Variants in REM2 observed in about 807,000 individuals in gnomAD.
REM2 encodes the protein GTP-binding protein REM 2.
REM2 carries 24 observed loss-of-function variants against 24.4 expected under a neutral mutation model. The ratio of observed to expected loss-of-function variants is 0.98; its 90% confidence interval spans 0.71 to 1.38. The LOEUF is 1.38. Among genes scored for constraint, REM2 ranks in the 40% most tolerant of loss-of-function variants. The pLI, the probability that REM2 is intolerant of heterozygous loss-of-function variation, is 0.00. For synonymous variants in REM2, 187 were observed against 198.0 expected (o/e 0.94, Z 0.47); for missense variants, 429 against 467.8 (o/e 0.92, Z 0.77).
Position 22,886,901 on chromosome 14 carries a change from G to A in REM2, c.1015G>A (p.Val339Met). The stretch of plus-strand genomic sequence containing the variant: ...CTCCAGGTCGTGTCACGACCTCTCG[G>A]TGCTCTGAGCCGCGGTCGCCATGGC... ...QRSRSCHDLS[V>M]L The change falls in exon 5 of 5, where the codon GTG becomes ATG. Residue 339 changes from valine (V) to methionine (M), a missense_variant. Physicochemically the swap from Val to Met is conservative, Grantham distance 21. Transcript: ENST00000267396. This position sits in a 1 kb window ranked among gnomAD's most constrained non-coding sequence, Gnocchi z 5.9. 6.7e-7 allele frequency: 1 copy of A among 1,496,558 alleles called. No individual in the cohort carries two copies. The highest frequency in any genetic ancestry group is 8.9e-7 in the Non-Finnish European group (1 of 1,121,186). The allele number at this position is 1,496,558 out of a possible 1,614,324, so 92.7% of individuals were successfully genotyped here.
Position 22,886,061 on chromosome 14 carries a change from A to T in REM2, c.557A>T (p.Gln186Leu), listed in dbSNP as rs1478606274. The change falls in exon 4 of 5, where the codon CAG (glutamine) becomes CTG (leucine). Residue 186 changes from glutamine to leucine, a missense_variant. Coordinates refer to ENST00000267396, the MANE Select transcript of REM2 (RefSeq NM_173527.3). This position sits in a 1 kb window ranked among gnomAD's most constrained non-coding sequence, Gnocchi z 5.9. ...AGGWLRDHCLQTGDAFLIVFS... is the reference protein window; with the variant it reads ...AGGWLRDHCLLTGDAFLIVFS... Reference sequence around the variant, plus strand: ...GGGTGGCTGCGGGACCACTGCCTTCAGACCGGGGACGCCTTTCTCATCGTC... The same window carrying T: ...GGGTGGCTGCGGGACCACTGCCTTCTGACCGGGGACGCCTTTCTCATCGTC... 3.7e-6 allele frequency: 6 copies of T among 1,613,848 alleles called. No individual in the cohort carries two copies. In the African/African-American group the frequency reaches 6.7e-5, roughly 18 times the overall value.
intron 3 of REM2, 34 bp downstream of exon 3, chr14:22,885,373 GA>G: frequency 6.5e-7 from 1 of 1,549,194 alleles, no homozygotes; most frequent in Non-Finnish European, 8.9e-7. Flanking sequence ...GGCAGGTGAT[GA>G]AGCTGGGAGA....
chr14:22,886,065 C>A lies in REM2; in HGVS notation c.561C>A (p.Thr187=). Residue 187 remains threonine, a synonymous_variant, in exon 4 of 5, where the codon ACC becomes ACA. Coordinates refer to ENST00000267396, the MANE Select transcript of REM2 (RefSeq NM_173527.3). The surrounding 1 kb of genome is among the most constrained non-coding windows in gnomAD (Gnocchi z 5.9). ...GGWLRDHCLQ[T]GDAFLIVFSV... ...GGCTGCGGGACCACTGCCTTCAGAC[C>A]GGGGACGCCTTTCTCATCGTCTTCT... 6.2e-7 allele frequency: 1 copy of A among 1,613,932 alleles called. No homozygotes were observed. The highest frequency in any genetic ancestry group is 8.5e-7 in the Non-Finnish European group (1 of 1,179,856).
In REM2 at chr14:22,886,678, C is replaced by A; in HGVS notation, c.792C>A (p.His264Gln). The A allele has an allele frequency of 1.3e-6, 2 of 1,490,608 alleles. No individual in the cohort carries two copies. The highest frequency in any genetic ancestry group is 1.3e-5 in the South Asian group (1 of 75,272). 92.3% of individuals were successfully genotyped at this position (1,490,608 alleles called of 1,614,324 possible). ...TCGAGACGTCGGCCGCACTGCACCA[C>A]AACACGAGGGAGCTCTTCGAGGGCG... ...KHIETSAALHHNTRELFEGAV... is the reference protein window; with the variant it reads ...KHIETSAALHQNTRELFEGAV... The change falls in exon 5 of 5, where the codon CAC becomes CAA. Residue 264 changes from histidine (H) to glutamine (Q), a missense_variant. His to Gln is a conservative substitution (Grantham distance 24). Transcript: ENST00000267396. The surrounding 1 kb of genome is among the most constrained non-coding windows in gnomAD (Gnocchi z 5.9).
intron 1 of REM2, chr14:22,884,393 TG>T: frequency 1.0e-6 from 1 of 985,478 alleles, no homozygotes; most frequent in Non-Finnish European, 1.2e-6. Flanking sequence ...TGAGTGGGTA[TG>T]TGAGCCTGCA....
intron 1 of REM2, 145 bp downstream of exon 1, chr14:22,883,535 T>G: frequency 1.4e-6 from 1 of 735,982 alleles, no homozygotes. Flanking sequence ...AGAAGACCCC[T>G]GCTCACACAA....
rs779523287 is a variant in REM2 at position 22,884,802 on chromosome 14, C to T, written c.232C>T (p.Arg78Trp). 100 of 1,613,930 alleles carry T rather than the reference C, an allele frequency of 6.2e-5. No homozygotes were observed. The highest frequency in any genetic ancestry group is 7.7e-5 in the Non-Finnish European group (91 of 1,179,906). The change falls in exon 2 of 5, where the codon CGG becomes TGG. Residue 78 changes from arginine (R) to tryptophan (W), a missense_variant. Physicochemically the swap from Arg to Trp is moderately radical, Grantham distance 101. Coordinates refer to ENST00000267396, the MANE Select transcript of REM2 (RefSeq NM_173527.3). ...SMPVPYKHQL[R>W]RAQAVDELDW... ...GCCTGTCCCCTACAAGCACCAGCTC[C>T]GGCGGGCCCAGGCTGTAGATGAACT...
At position 22,886,370 on chromosome 14, in the gene REM2, A is replaced by T; in HGVS notation, c.727+139A>T. The T allele has an allele frequency of 1.2e-6, 1 of 816,496 alleles. No individual in the cohort carries two copies. The highest frequency in any genetic ancestry group is 2.0e-6 in the Non-Finnish European group (1 of 503,338). The allele number at this position is 816,496 out of a possible 1,614,324, so 50.6% of individuals were successfully genotyped here. On this transcript the variant is annotated intron_variant, in intron 4 of 4. Transcript: ENST00000267396. The surrounding 1 kb of genome is among the most constrained non-coding windows in gnomAD (Gnocchi z 5.9). Reference sequence around the variant, plus strand: ...AGACCCAGGCTAGGGGGACACTCCCAATGCCCCACTCGAGGATCCTGAGAA... The same window carrying T: ...AGACCCAGGCTAGGGGGACACTCCCTATGCCCCACTCGAGGATCCTGAGAA...
At position 22,884,466 on chromosome 14, in the gene REM2, GA is replaced by G. The variant is rs148002131; in HGVS notation, c.104-206del. The G allele has an allele frequency of 1.3e-3, 1,315 of 985,436 alleles. 15 individuals carry two copies. In the African/African-American group the frequency reaches 0.021, roughly 16 times the overall value. 61.0% of individuals were successfully genotyped at this position (985,436 alleles called of 1,614,324 possible). ...AGGTTGGGGTTGGGACCGCATTGGA[GA>G]AGCTATCATGTCAACTCCAGTTCAG... On this transcript the variant is annotated intron_variant, in intron 1 of 4. Transcript: ENST00000267396.
Position 22,887,056 on chromosome 14 carries a change from G to T in REM2, c.*147G>T. On this transcript the variant is annotated 3_prime_UTR_variant, in exon 5 of 5. Coordinates refer to ENST00000267396, the MANE Select transcript of REM2 (RefSeq NM_173527.3). ...CCAGGATGCCCCGGTGTGACCGCCG[G>T]GGGCGGCCCGGGGCCGCTCGGCGGC... The T allele has an allele frequency of 1.6e-6, 1 of 618,034 alleles. No homozygotes were observed. The highest frequency in any genetic ancestry group is 2.5e-6 in the Non-Finnish European group (1 of 398,812). The allele number at this position is 618,034 out of a possible 1,614,324, so 38.3% of individuals were successfully genotyped here.
Position 22,883,272 on chromosome 14 carries a change from ACG to A in REM2, c.-14_-13del. On this transcript the variant is annotated 5_prime_UTR_variant, in exon 1 of 5. Transcript: ENST00000267396. The stretch of plus-strand genomic sequence containing the variant: ...TGCTGGGCTGCACACGCACACGCAC[ACG>A]CACACGCACACTGATGCACACGGAC... 1 of 1,356,182 alleles carries A rather than the reference ACG, an allele frequency of 7.4e-7. No homozygotes were observed. Among genetic ancestry groups the A allele is most frequent in the Non-Finnish European group, 1.0e-6 (1 of 967,850 alleles). The allele number at this position is 1,356,182 out of a possible 1,614,324, so 84.0% of individuals were successfully genotyped here.
At chr14:22,884,651 T>C in intron 1 of REM2, 23 bp from the exon 2 acceptor site, 2 of 1,576,676 alleles carry the variant, frequency 1.3e-6, no homozygotes, top group Non-Finnish European at 1.7e-6. Context: ...CTTCCTTTTC[T>C]TTGCCCTCCC....
At chr14:22,885,039 G>A (rs1370371286) in intron 2 of REM2, 24 bp downstream of exon 2, 3 of 1,522,880 alleles carry the variant, frequency 2.0e-6, no homozygotes, top group Non-Finnish European at 2.6e-6. Context: ...CCCTCCAGGG[G>A]TTGAGGGGGC....
chr14:22,886,662 C>A lies in REM2; in HGVS notation c.776C>A (p.Ser259Ter). 2.0e-6 allele frequency: 3 copies of A among 1,464,916 alleles called. No homozygotes were observed. Among genetic ancestry groups the A allele is most frequent in the Non-Finnish European group, 2.7e-6 (3 of 1,108,022 alleles). The allele number at this position is 1,464,916 out of a possible 1,614,324, so 90.7% of individuals were successfully genotyped here. A position where few individuals can be genotyped will look rare whatever the true frequency, so the allele number is the denominator to read the frequency against. Residue 259 changes from serine (S) to a stop codon, truncating the protein, a stop_gained, in exon 5 of 5, where the codon TCG (serine) becomes TAG (stop). Transcript: ENST00000267396. LOFTEE classifies it low-confidence loss of function (END_TRUNC). The surrounding 1 kb of genome is among the most constrained non-coding windows in gnomAD (Gnocchi z 5.9). ...GTLSCKHIET[S>*]AALHHNTREL... ...CTGAGCTGCAAGCACATCGAGACGT[C>A]GGCCGCACTGCACCACAACACGAGG...
chr14:22,884,776 T>C lies in REM2; in HGVS notation c.206T>C (p.Met69Thr). 1 of 1,614,038 alleles carries C rather than the reference T, an allele frequency of 6.2e-7. No individual in the cohort carries two copies. Among genetic ancestry groups the C allele is most frequent in the South Asian group, 1.1e-5 (1 of 91,084 alleles). Residue 69 changes from methionine to threonine, a missense_variant, in exon 2 of 5, where the codon ATG (methionine) becomes ACG (threonine). Coordinates refer to ENST00000267396, the MANE Select transcript of REM2 (RefSeq NM_173527.3). ...APGAPRRRGS[M>T]PVPYKHQLRR... is the part of the protein sequence containing the mutation. ...GGGGCCCCCAGACGAAGAGGCAGTA[T>C]GCCTGTCCCCTACAAGCACCAGCTC...
In REM2 at chr14:22,885,246, C is replaced by T. The variant is rs759459921; in HGVS notation, c.446-20C>T. On this transcript the variant is annotated intron_variant, in intron 2 of 4. Transcript: ENST00000267396. Reference sequence around the variant, plus strand: ...GAAACCTCCTAATGGACTTTATACCCTCTCCCTATTTCCCAGCAGAGGATA... The same window carrying T: ...GAAACCTCCTAATGGACTTTATACCTTCTCCCTATTTCCCAGCAGAGGATA... 38 of 1,606,882 alleles carry T rather than the reference C, an allele frequency of 2.4e-5. No individual in the cohort carries two copies. The Middle Eastern group carries it at 5.0e-4, about 21-fold the overall frequency.
intron 1 of REM2, 42 bp from the exon 2 acceptor site, chr14:22,884,632 C>A: frequency 6.4e-7 from 1 of 1,558,294 alleles, no homozygotes; most frequent in Non-Finnish European, 8.7e-7. Flanking sequence ...GAGCATATCC[C>A]ACTCATAGCT....
chr14:22,883,387 C>T lies in REM2; in HGVS notation c.100C>T (p.Pro34Ser). 1 of 1,552,866 alleles carries T rather than the reference C, an allele frequency of 6.4e-7. No individual in the cohort carries two copies. Among genetic ancestry groups the T allele is most frequent in the Non-Finnish European group, 8.7e-7 (1 of 1,147,748 alleles). ...RRASPPGTPT[P>S]EADATLLKKS... The stretch of plus-strand genomic sequence containing the variant: ...GGCCTCCCCTCCAGGGACGCCCACA[C>T]CAGGTGAGGGCTAACCTGGGCAGGT... Residue 34 changes from proline (P) to serine (S), a missense_variant, in exon 1 of 5, where the codon CCA becomes TCA. Transcript: ENST00000267396.
rs1288744638 is a variant in REM2, at chr14:22,886,261, C to T, written c.727+30C>T. The T allele has an allele frequency of 1.3e-6, 2 of 1,567,790 alleles. No individual in the cohort carries two copies. Among genetic ancestry groups the T allele is most frequent in the Admixed American group, 3.6e-5 (2 of 55,324 alleles). On this transcript the variant is annotated intron_variant, in intron 4 of 4. Transcript: ENST00000267396. The surrounding 1 kb of genome is among the most constrained non-coding windows in gnomAD (Gnocchi z 5.9). ...GTATCCTGAACAGATTCCATACTTG[C>T]GATCTCAGGGGAATGCTCTCCCTTC...
Sources: gnomAD v4.1 joint callset for allele counts on GRCh38, gnomAD v4.1.1 for gene constraint, Gnocchi (gnomAD v3.1) non-coding constraint, MANE v1.5 for transcripts, NCBI Gene and HGNC (gene_info 2026-07-23, HGNC 2026-07-21) for gene names.